Variants in DRC12 observed in about 807,000 individuals in gnomAD.
The protein encoded by DRC12 is dynein regulatory complex protein 12.
At chr11:119,194,520 A>AG in the DRC12 span, among the ~76,000 whole-genome samples, 1 of 114,184 alleles carries the variant, frequency 8.8e-6, no homozygotes. Flanking sequence ...TGTCTCAAAA[A>AG]AAAAAAAAAA....
chr11:119,193,483 G>C, the DRC12 span: 1 of 1,176,988 alleles, frequency 8.5e-7, no homozygotes, highest in Non-Finnish European at 1.2e-6. Flanking sequence ...CCTTCTCCCC[G>C]CCCATGGGCT....
chr11:119,190,760 G>A, the DRC12 span: 2 of 1,614,054 alleles, frequency 1.2e-6, no homozygotes, highest in African/African-American at 1.3e-5. This position sits in a 1 kb window ranked among gnomAD's most constrained non-coding sequence, Gnocchi z 4.2. Flanking sequence ...TGGGCCCGAA[G>A]CTGAGCCAGG....
chr11:119,191,874 A>G, the DRC12 span, among the ~76,000 whole-genome samples: 2 of 152,090 alleles, frequency 1.3e-5, no homozygotes, highest in African/African-American at 4.8e-5. Flanking sequence ...CAATTGAGTC[A>G]TTGATTGACT....
the DRC12 span, among the ~76,000 whole-genome samples, chr11:119,194,737 C>CA: frequency 4.5e-5 from 6 of 134,742 alleles, no homozygotes; most frequent in Admixed American, 1.6e-4. Context: ...AACAAACAAA[C>CA]AAAAAAAACA....
At chr11:119,193,679 T>G in the DRC12 span, 1 of 1,520,800 alleles carries the variant, frequency 6.6e-7, no homozygotes, top group Non-Finnish European at 8.9e-7. Context: ...AAGCCCTCCT[T>G]GTTTCCCTTC....
the DRC12 span, among the ~76,000 whole-genome samples, chr11:119,192,465 C>T: frequency 6.6e-6 from 1 of 152,132 alleles, no homozygotes; most frequent in African/African-American, 2.4e-5. Flanking sequence ...TTAGGATCTA[C>T]CAGATGCTAG....
At chr11:119,194,992 C>T in the DRC12 span, 80 of 1,551,238 alleles carry the variant, frequency 5.2e-5, 1 homozygote, top group African/African-American at 1.9e-4. Context: ...ACCACATCTG[C>T]ACCTGCGGTG....
the DRC12 span, chr11:119,193,962 G>T: frequency 6.9e-7 from 1 of 1,445,004 alleles, no homozygotes; most frequent in Non-Finnish European, 9.3e-7. Context: ...GATGGACTTT[G>T]CCCACCTCTA....
the DRC12 span, chr11:119,193,704 C>A: frequency 6.5e-7 from 1 of 1,540,964 alleles, no homozygotes. Flanking sequence ...CATCAACTGA[C>A]CCTGTTGGTT....
At chr11:119,193,758 C>T in the DRC12 span, 1 of 1,551,570 alleles carries the variant, frequency 6.4e-7, no homozygotes, top group East Asian at 2.4e-5. Context: ...GCTTAACCGA[C>T]CACACACCTG....
the DRC12 span, chr11:119,190,432 C>T: frequency 6.2e-7 from 1 of 1,614,032 alleles, no homozygotes; most frequent in African/African-American, 1.3e-5. The surrounding 1 kb of genome is among the most constrained non-coding windows in gnomAD (Gnocchi z 4.2). Context: ...TCAGCTTGGC[C>T]AAGAGCCTGT....
chr11:119,190,897 C>G, the DRC12 span: 4 of 1,578,868 alleles, frequency 2.5e-6, no homozygotes, highest in Non-Finnish European at 2.6e-6. This position sits in a 1 kb window ranked among gnomAD's most constrained non-coding sequence, Gnocchi z 4.2. Flanking sequence ...CTTGACCAGT[C>G]TCTCCAAAGG....
chr11:119,194,310 C>T, the DRC12 span, among the ~76,000 whole-genome samples: 2 of 151,752 alleles, frequency 1.3e-5, no homozygotes, highest in South Asian at 2.1e-4. Context: ...GTCAAGAGTT[C>T]GAGACCAGCC....
the DRC12 span, chr11:119,195,270 G>T: frequency 2.8e-6 from 2 of 710,940 alleles, no homozygotes; most frequent in East Asian, 5.4e-5. Flanking sequence ...CACTTCCTCA[G>T]CTCCCTGGAT....
the DRC12 span, chr11:119,194,912 A>G: frequency 6.5e-7 from 1 of 1,549,356 alleles, no homozygotes; most frequent in East Asian, 2.4e-5. Flanking sequence ...GCCAGCTTCT[A>G]CCCTCCTTAC....
At chr11:119,194,823 A>AC in the DRC12 span, 1 of 812,640 alleles carries the variant, frequency 1.2e-6, no homozygotes, top group Non-Finnish European at 2.0e-6. Context: ...GGTCAACTTA[A>AC]CCCCCCACCA....
the DRC12 span, chr11:119,193,519 T>C: frequency 3.5e-4 from 467 of 1,326,306 alleles, 1 homozygote; most frequent in Admixed American, 6.0e-4. Flanking sequence ...TATGACTGCA[T>C]GTGTATCCTA....
the DRC12 span, chr11:119,190,629 A>G: frequency 6.4e-7 from 1 of 1,570,366 alleles, no homozygotes; most frequent in Non-Finnish European, 8.7e-7. This position sits in a 1 kb window ranked among gnomAD's most constrained non-coding sequence, Gnocchi z 4.2. Flanking sequence ...CTGGGTTGTC[A>G]GTCATCATAC....
the DRC12 span, chr11:119,193,212 C>T: frequency 6.2e-7 from 1 of 1,614,158 alleles, no homozygotes; most frequent in Non-Finnish European, 8.5e-7. Flanking sequence ...TTTGCATATC[C>T]TCCTGCAGGG....
Sources: allele counts gnomAD v4.1 joint callset (sites outside exome capture counted in the v4.1 genomes callset), GRCh38; gene constraint gnomAD v4.1.1; non-coding constraint Gnocchi (gnomAD v3.1); transcripts MANE v1.5; gene names NCBI Gene and HGNC (gene_info 2026-07-23, HGNC 2026-07-21).